FGF17: variants seen among roughly 807,000 people sequenced by gnomAD.
The protein encoded by FGF17 is fibroblast growth factor 17.
In FGF17, 5 loss-of-function variants were observed where a neutral mutation model predicts 23.5. The observed-to-expected ratio is 0.21, with a 90% CI of 0.11 to 0.45. The LOEUF (loss-of-function observed/expected upper bound fraction) is 0.45. Ranked by LOEUF, FGF17 falls within the 20% of genes least tolerant of loss-of-function variation. FGF17 has a pLI of 0.99. For missense variants in FGF17, 221 were observed against 306.9 expected, an observed-to-expected ratio of 0.72 and a Z score of 2.09; for synonymous variants, 136 against 123.0, an observed-to-expected ratio of 1.11 and a Z score of -0.70.
At chr8:22,043,204 T>C (rs759910488) in intron 2 of FGF17, 23 bp downstream of exon 2, 3 of 1,611,814 alleles carry the variant, frequency 1.9e-6, no homozygotes, top group African/African-American at 2.7e-5. Flanking sequence ...TCCCACCGGC[T>C]TTCCCCCAAT....
chr8:22,047,891 TAAGGGCGACACC>T, intron 4 of FGF17, 53 bp from the exon 5 acceptor site: 3 of 1,516,984 alleles, frequency 2.0e-6, no homozygotes, highest in Non-Finnish European at 2.7e-6. Context: ...AAATAGGCCG[TAAGGGCGACACC>T]CCAGACCAGG....
intron 2 of FGF17, among the ~76,000 whole-genome samples, chr8:22,043,740 C>G (rs920615436): frequency 1.3e-5 from 2 of 150,090 alleles, no homozygotes; most frequent in East Asian, 2.0e-4. Context: ...ACACTCCCCC[C>G]ACCCCAAGTC....
At chr8:22,046,465 T>C (rs1585537508) in intron 3 of FGF17, 62 bp from the exon 4 acceptor site, 12 of 1,477,050 alleles carry the variant, frequency 8.1e-6, no homozygotes, top group South Asian at 7.0e-5. Flanking sequence ...GGTGGTCCCC[T>C]GCTGTAGCCA....
At chr8:22,041,379 T>C (rs182003982), upstream of FGF17, among the ~76,000 whole-genome samples, 2 of 152,216 alleles carry the variant, frequency 1.3e-5, no homozygotes, top group East Asian at 3.9e-4. Flanking sequence ...GCTCCCCTGG[T>C]CATCTCTTTA....
chr8:22,046,340 A>T (rs1800866942), intron 3 of FGF17, 49 bp downstream of exon 3: 1 of 1,585,518 alleles, frequency 6.3e-7, no homozygotes, highest in Non-Finnish European at 8.6e-7. Flanking sequence ...ACTCTGCCTC[A>T]CTTCCACCCT....
At chr8:22,047,638 G>A (rs1284698999) in intron 4 of FGF17, among the ~76,000 whole-genome samples, 1 of 152,198 alleles carries the variant, frequency 6.6e-6, no homozygotes, top group Non-Finnish European at 1.5e-5. Flanking sequence ...GGCTGCATGA[G>A]CATTTCAGTG....
chr8:22,046,306 TC>T lies in FGF17; in HGVS notation c.250+21del, dbSNP rs752572149. 5.0e-6 allele frequency: 8 copies of T among 1,608,088 alleles called. No homozygotes were observed. The highest frequency in any genetic ancestry group is 2.7e-5 in the African/African-American group (2 of 74,786). On this transcript the variant is annotated intron_variant, in intron 3 of 4. Coordinates refer to ENST00000359441, the MANE Select transcript of FGF17 (RefSeq NM_003867.4). The stretch of plus-strand genomic sequence containing the variant: ...CAACAAGTTTGGTGAGAGTTGGCCC[TC>T]CCCCCAGGGCACCCACACCTCCACT...
At chr8:22,042,689 C>T (rs1173639546), upstream of FGF17, 3 of 604,134 alleles carry the variant, frequency 5.0e-6, no homozygotes, top group Admixed American at 5.8e-5. Context: ...ATCTGCTTTG[C>T]AGCCTCACTG....
chr8:22,047,084 G>A (rs1180769614), intron 4 of FGF17, among the ~76,000 whole-genome samples: 1 of 151,924 alleles, frequency 6.6e-6, no homozygotes, highest in Non-Finnish European at 1.5e-5. Context: ...ACGGAGCCCG[G>A]CCTGGTTTCT....
intron 1 of FGF17, 81 bp from the exon 2 acceptor site, chr8:22,043,064 C>T: frequency 6.3e-7 from 1 of 1,599,902 alleles, no homozygotes; most frequent in Non-Finnish European, 8.5e-7. Flanking sequence ...ACGGGGCTGG[C>T]AGGGCGGGGG....
chr8:22,046,412 T>G (rs1800868306), intron 3 of FGF17, 115 bp from the exon 4 acceptor site: 6 of 1,430,482 alleles, frequency 4.2e-6, no homozygotes, highest in Non-Finnish European at 9.6e-7. Flanking sequence ...AGGGCCTGAG[T>G]GTCCCCAACC....
intron 2 of FGF17, chr8:22,045,804 C>T (rs953088661): frequency 1.4e-5 from 18 of 1,289,136 alleles, no homozygotes; most frequent in East Asian, 3.8e-5. Context: ...TCATAGAATA[C>T]GAGGACGGGA....
intron 2 of FGF17, among the ~76,000 whole-genome samples, chr8:22,043,878 T>C (rs1484061183): frequency 2.0e-5 from 3 of 152,054 alleles, no homozygotes. Context: ...AGAACCGCTC[T>C]GGGGAGAGAT....
intron 2 of FGF17, chr8:22,044,980 G>C (rs551004194): frequency 1.0e-6 from 1 of 985,718 alleles, no homozygotes; most frequent in Admixed American, 6.1e-5. Flanking sequence ...TCCCAGCACA[G>C]GCAGCGGCAT....
intron 2 of FGF17, chr8:22,044,762 A>G (rs1800826199): frequency 1.0e-6 from 1 of 985,232 alleles, no homozygotes; most frequent in African/African-American, 1.7e-5. Flanking sequence ...GGTGCACAGT[A>G]AGTGTTAACC....
upstream of FGF17, chr8:22,042,755 CCTCCTCCTCCCTCTTTTCT>C: frequency 1.6e-6 from 1 of 635,826 alleles, no homozygotes; most frequent in Non-Finnish European, 2.8e-6. Context: ...TCCTCCTCCC[CCTCCTCCTCCCTCTTTTCT>C]CTCCTCCTCC....
chr8:22,046,594 G>A lies in FGF17; in HGVS notation c.318G>A (p.Lys106=), dbSNP rs780943518. 23 of 1,613,712 alleles carry A rather than the reference G, an allele frequency of 1.4e-5. No individual in the cohort carries two copies. In the South Asian group the frequency reaches 2.4e-4, roughly 17 times the overall value. ...RVRIKGAESE[K]YICMNKRGKL... ...GCATCAAAGGGGCTGAGAGTGAGAA[G>A]TACATCTGTATGAACAAGAGGGGCA... The change falls in exon 4 of 5, where the codon AAG becomes AAA. Residue 106 remains lysine, a synonymous_variant. Transcript: ENST00000359441.
intron 2 of FGF17, 84 bp from the exon 3 acceptor site, chr8:22,046,030 C>T (rs1295032572): frequency 1.2e-6 from 2 of 1,611,152 alleles, no homozygotes; most frequent in East Asian, 2.2e-5. Context: ...CTATATTCAC[C>T]TCCTCACCCC....
In FGF17 at chr8:22,048,416, CA is replaced by C; in HGVS notation, c.*168del. ...GCTGGGAAGGGGCAGGCCGGTGCCCCAGGGGCGGCTGGCACAGTGCCCCCTT... is the reference window on the plus strand; with the variant it reads ...GCTGGGAAGGGGCAGGCCGGTGCCCCGGGGCGGCTGGCACAGTGCCCCCTT... On this transcript the variant is annotated 3_prime_UTR_variant, in exon 5 of 5. Transcript: ENST00000359441. The surrounding 1 kb of genome is among the most constrained non-coding windows in gnomAD (Gnocchi z 6.9). 1.5e-6 allele frequency: 1 copy of C among 662,272 alleles called. No individual in the cohort carries two copies. The highest frequency in any genetic ancestry group is 2.5e-6 in the Non-Finnish European group (1 of 394,714). The allele number at this position is 662,272 out of a possible 1,614,324, so 41.0% of individuals were successfully genotyped here.
Sources: gnomAD v4.1 joint callset for allele counts (sites outside exome capture counted in the v4.1 genomes callset) on GRCh38, gnomAD v4.1.1 for gene constraint, Gnocchi (gnomAD v3.1) non-coding constraint, MANE v1.5 for transcripts, NCBI Gene and HGNC (gene_info 2026-07-23, HGNC 2026-07-21) for gene names.